The following GRIK4 variants were observed in gnomAD, a reference collection of about 807,000 sequenced individuals.
The protein encoded by GRIK4 is glutamate receptor ionotropic, kainate 4.
Under a neutral mutation model 104.9 loss-of-function variants are expected in GRIK4, and 40 were observed. The ratio of observed to expected loss-of-function variants is 0.38; its 90% CI spans 0.30 to 0.50. The LOEUF is 0.50. GRIK4 is among the 20% of genes least tolerant of loss of function. The probability of loss-of-function intolerance (pLI) is 0.93; values close to 1 mark genes in which losing one functional copy is unlikely to be tolerated. For synonymous variants in GRIK4, 485 were observed against 524.9 expected (o/e 0.92, Z 1.04); for missense variants, 1,047 against 1,308.1 (o/e 0.80, Z 3.08).
At chr11:120,701,120 C>G (rs1359086703) in intron 3 of GRIK4, among the ~76,000 whole-genome samples, 1 of 152,180 alleles carries the variant, frequency 6.6e-6, no homozygotes, top group Non-Finnish European at 1.5e-5. Flanking sequence ...AATCACCAAA[C>G]AAAGCATTTC....
At chr11:120,667,627 C>A (rs1949939122) in intron 3 of GRIK4, among the ~76,000 whole-genome samples, 2 of 152,212 alleles carry the variant, frequency 1.3e-5, no homozygotes, top group Admixed American at 1.3e-4. Flanking sequence ...GTGTGGGCAG[C>A]AGGGTGCTGC....
At chr11:120,912,008 C>A (rs1052526846) in intron 13 of GRIK4, among the ~76,000 whole-genome samples, 1 of 152,078 alleles carries the variant, frequency 6.6e-6, no homozygotes, top group African/African-American at 2.4e-5. Flanking sequence ...TTTTTAAATG[C>A]GTATATGTTT....
intron 3 of GRIK4, among the ~76,000 whole-genome samples, chr11:120,692,617 G>A (rs955859009): frequency 2.4e-4 from 37 of 152,194 alleles, no homozygotes; most frequent in Admixed American, 2.3e-3. Context: ...AGGTTGCTCC[G>A]GAGGAGAGTT....
intron 1 of GRIK4, among the ~76,000 whole-genome samples, chr11:120,523,621 T>G (rs1947822068): frequency 6.6e-6 from 1 of 152,174 alleles, no homozygotes; most frequent in Non-Finnish European, 1.5e-5. Flanking sequence ...AACACAGATG[T>G]CCAGAGAACC....
chr11:120,904,079 C>A (rs1942810622), intron 12 of GRIK4, among the ~76,000 whole-genome samples: 1 of 152,178 alleles, frequency 6.6e-6, no homozygotes. Flanking sequence ...AGGTTCTCCC[C>A]AGGGCCTCTT....
At chr11:120,929,022 CATGTGTGTGTGT>C (rs1283982347) in intron 13 of GRIK4, among the ~76,000 whole-genome samples, 1 of 148,920 alleles carries the variant, frequency 6.7e-6, no homozygotes, top group Non-Finnish European at 1.5e-5. Context: ...TGTGTGCGCA[CATGTGTGTGTGT>C]GTGTGTGTCT....
At chr11:120,705,283 G>A (rs1023993668) in intron 3 of GRIK4, among the ~76,000 whole-genome samples, 3 of 150,480 alleles carry the variant, frequency 2.0e-5, no homozygotes, top group African/African-American at 4.9e-5. Flanking sequence ...GCAGGCTGGA[G>A]TGCAGTGGCA....
chr11:120,972,255 G>C (rs1235914840), intron 19 of GRIK4, among the ~76,000 whole-genome samples: 1 of 152,192 alleles, frequency 6.6e-6, no homozygotes, highest in East Asian at 1.9e-4. Flanking sequence ...AAGGTTCTGG[G>C]GTGAGATGTG....
intron 1 of GRIK4, among the ~76,000 whole-genome samples, chr11:120,604,576 G>A (rs1948933999): frequency 6.6e-6 from 1 of 152,198 alleles, no homozygotes; most frequent in Non-Finnish European, 1.5e-5. Flanking sequence ...GTGACCTGAA[G>A]ACAAATACAG....
chr11:120,895,675 G>C (rs933094779), intron 11 of GRIK4, among the ~76,000 whole-genome samples: 1 of 152,168 alleles, frequency 6.6e-6, no homozygotes, highest in African/African-American at 2.4e-5. Context: ...GTTCAAGCCC[G>C]TGCTACACCT....
At chr11:120,547,844 T>C (rs1275199891) in intron 1 of GRIK4, among the ~76,000 whole-genome samples, 1 of 152,188 alleles carries the variant, frequency 6.6e-6, no homozygotes, top group Non-Finnish European at 1.5e-5. Flanking sequence ...CTGAACCTGC[T>C]CAGTGGAAAG....
At chr11:120,923,557 C>T (rs1409205137) in intron 13 of GRIK4, among the ~76,000 whole-genome samples, 1 of 151,810 alleles carries the variant, frequency 6.6e-6, no homozygotes, top group Non-Finnish European at 1.5e-5. Context: ...GGACTACAGG[C>T]ACCCACCACC....
rs1341375687 is a variant in GRIK4 at position 120,911,388 on chromosome 11, G to A, written c.1476+5895G>A. 8.7e-5 allele frequency among the ~76,000 whole-genome samples: 13 copies of A among 149,676 alleles called. No individual in the cohort carries two copies. The South Asian group carries it at 1.1e-3, about 12-fold the overall frequency. The stretch of plus-strand genomic sequence containing the variant: ...CGTGTAGCTGGGACTACAGGCGCGC[G>A]CCACCATGCCCGGCTAATTTTTGTA... On this transcript the variant is annotated intron_variant, in intron 13 of 20. Transcript: ENST00000527524.
At chr11:120,768,124 C>A (rs1380102557) in intron 3 of GRIK4, among the ~76,000 whole-genome samples, 1 of 150,984 alleles carries the variant, frequency 6.6e-6, no homozygotes, top group Non-Finnish European at 1.5e-5. Context: ...CTTTATTAAA[C>A]CTATGTATTG....
rs960063083 is a variant in GRIK4 at position 120,986,116 on chromosome 11, C to T, written c.2727C>T (p.Ala909=). 2 of 1,515,850 alleles carry T rather than the reference C, an allele frequency of 1.3e-6. No homozygotes were observed. Among genetic ancestry groups the T allele is most frequent in the East Asian group, 2.7e-5 (1 of 37,440 alleles). 93.9% of individuals were successfully genotyped at this position (1,515,850 alleles called of 1,614,324 possible). The part of the protein sequence containing the change: ...DQLAQRLAQE[A]ALVARGCTHI... Reference sequence around the variant, plus strand: ...TCGCGCAGAGACTGGCGCAGGAGGCCGCCCTGGTGGCCCGCGGCTGCACGC... The same window carrying T: ...TCGCGCAGAGACTGGCGCAGGAGGCTGCCCTGGTGGCCCGCGGCTGCACGC... Residue 909 remains alanine, a synonymous_variant, in exon 21 of 21, where the codon GCC becomes GCT. Transcript: ENST00000527524.
intron 3 of GRIK4, among the ~76,000 whole-genome samples, chr11:120,672,169 G>A (rs1950029179): frequency 6.6e-6 from 1 of 152,150 alleles, no homozygotes; most frequent in Non-Finnish European, 1.5e-5. Context: ...TGTAATCCCA[G>A]CACTTTGGGT....
At chr11:120,663,259 C>T (rs1368509689) in intron 3 of GRIK4, among the ~76,000 whole-genome samples, 3 of 152,258 alleles carry the variant, frequency 2.0e-5, no homozygotes, top group East Asian at 1.9e-4. Flanking sequence ...TTCTTAGATC[C>T]GGAAGGGACT....
intron 13 of GRIK4, among the ~76,000 whole-genome samples, chr11:120,923,954 G>A (rs1005380271): frequency 1.3e-5 from 2 of 152,098 alleles, no homozygotes; most frequent in African/African-American, 4.8e-5. Flanking sequence ...AGGACAGACT[G>A]GTCCCTCTCC....
chr11:120,772,892 C>T (rs1951974815), intron 3 of GRIK4, among the ~76,000 whole-genome samples: 1 of 151,898 alleles, frequency 6.6e-6, no homozygotes, highest in Non-Finnish European at 1.5e-5. Flanking sequence ...CACATCAACT[C>T]ATTAAATATT....
Sources: gnomAD v4.1 joint callset for allele counts (sites outside exome capture counted in the v4.1 genomes callset) on GRCh38, gnomAD v4.1.1 for gene constraint, MANE v1.5 for transcripts, NCBI Gene and HGNC (gene_info 2026-07-23, HGNC 2026-07-21) for gene names.